PDE4D: variants seen among roughly 807,000 people sequenced by gnomAD.
PDE4D encodes phosphodiesterase 4D.
Under a neutral mutation model 87.4 loss-of-function variants are expected in PDE4D, and 24 were observed. The observed-to-expected ratio is 0.27, with a 90% CI of 0.20 to 0.39. The LOEUF is 0.39. Ranked by LOEUF, PDE4D falls within the 10% of genes least tolerant of loss-of-function variation. The pLI is 1.00. For missense variants in PDE4D, 714 were observed against 1,041.0 expected (o/e 0.69, Z 4.32); for synonymous variants, 384 against 383.2 (o/e 1.00, Z -0.02).
intron 1 of PDE4D, among the ~76,000 whole-genome samples, chr5:59,567,019 A>G (rs1449534925): frequency 1.3e-5 from 2 of 152,186 alleles, no homozygotes; most frequent in Non-Finnish European, 2.9e-5. Context: ...TTTTTACATT[A>G]CATGTTTTCT....
At chr5:59,017,893 A>C (rs1046647031) in intron 6 of PDE4D, among the ~76,000 whole-genome samples, 2 of 152,242 alleles carry the variant, frequency 1.3e-5, no homozygotes, top group African/African-American at 4.8e-5. Flanking sequence ...CATTTGCAAC[A>C]GGTTAGTAGT....
At chr5:59,993,515 T>C (rs1389262764) in intron 2 of PDE4D, among the ~76,000 whole-genome samples, 1 of 152,164 alleles carries the variant, frequency 6.6e-6, no homozygotes, top group Non-Finnish European at 1.5e-5. Flanking sequence ...GAACAGATTA[T>C]AGAGTGCTCC....
intron 1 of PDE4D, among the ~76,000 whole-genome samples, chr5:59,639,310 G>A (rs556642928): frequency 3.9e-5 from 6 of 152,188 alleles, no homozygotes; most frequent in Middle Eastern, 3.4e-3. Context: ...ATGCCCTAAA[G>A]TTAAATTCCT....
chr5:59,586,276 C>A, intron 1 of PDE4D: 1 of 1,350,902 alleles, frequency 7.4e-7, no homozygotes. Context: ...GTACCTGTCA[C>A]GGAATTTGAT....
In PDE4D at chr5:59,180,612, T is replaced by C. The variant is rs372039525; in HGVS notation, c.791A>G (p.Asn264Ser). ...TTTCTTACCTGTTATGGTGGCTTTG[T>C]TGATGGATGGTTGGTTGCACATGGG... is the stretch of plus-strand genomic sequence containing the variant. Reference protein sequence around the residue: ...RSPMCNQPSINKATITEEAYQ... With the variant: ...RSPMCNQPSISKATITEEAYQ... The change falls in exon 5 of 15, where the codon AAC (asparagine) becomes AGC (serine). Residue 264 changes from asparagine (N) to serine (S), a missense_variant. By Grantham distance (46) the Asn-to-Ser change is conservative. Coordinates refer to ENST00000340635, the MANE Select transcript of PDE4D (RefSeq NM_001104631.2). 1.9e-5 allele frequency: 30 copies of C among 1,613,284 alleles called. No individual in the cohort carries two copies. The African/African-American group carries it at 3.9e-4, about 21-fold the overall frequency.
intron 1 of PDE4D, among the ~76,000 whole-genome samples, chr5:59,813,597 T>G (rs1247855599): frequency 6.6e-6 from 1 of 152,168 alleles, no homozygotes; most frequent in Non-Finnish European, 1.5e-5. Flanking sequence ...GCCAATAAAA[T>G]TATTTTCAAG....
At chr5:59,258,699 AATCATATATCAT>A (rs1293578265) in intron 1 of PDE4D, among the ~76,000 whole-genome samples, 6 of 148,512 alleles carry the variant, frequency 4.0e-5, no homozygotes, top group African/African-American at 1.5e-4. Flanking sequence ...ACATATATAT[AATCATATATCAT>A]ATCATATATA....
At chr5:59,178,530 T>C (rs1784247000) in intron 5 of PDE4D, among the ~76,000 whole-genome samples, 2 of 152,200 alleles carry the variant, frequency 1.3e-5, no homozygotes, top group African/African-American at 4.8e-5. Context: ...CTATGAGGTC[T>C]GTCACATATG....
At chr5:60,213,604 TC>T (rs1359056592) in intron 1 of PDE4D, among the ~76,000 whole-genome samples, 4 of 152,162 alleles carry the variant, frequency 2.6e-5, no homozygotes, top group Admixed American at 6.5e-5. Context: ...AAAATTCTCT[TC>T]CCCCGTTGAC....
At chr5:60,053,246 A>C (rs894806661) in intron 2 of PDE4D, among the ~76,000 whole-genome samples, 1 of 152,166 alleles carries the variant, frequency 6.6e-6, no homozygotes, top group Non-Finnish European at 1.5e-5. Context: ...AATCCTAAGC[A>C]AAAAGAACAA....
intron 1 of PDE4D, among the ~76,000 whole-genome samples, chr5:59,334,503 C>T (rs920706126): frequency 5.9e-5 from 9 of 151,930 alleles, no homozygotes; most frequent in Non-Finnish European, 5.9e-5. Flanking sequence ...GGTGATCTGC[C>T]CGCCTCAGCC....
upstream of PDE4D, among the ~76,000 whole-genome samples, chr5:60,489,507 C>T (rs770930573): frequency 4.6e-5 from 7 of 152,114 alleles, no homozygotes; most frequent in South Asian, 6.2e-4. Flanking sequence ...GAAAGAAAAA[C>T]GTTGCAATAG....
intron 2 of PDE4D, among the ~76,000 whole-genome samples, chr5:60,077,565 G>C (rs1415688296): frequency 6.6e-6 from 1 of 152,126 alleles, no homozygotes; most frequent in East Asian, 1.9e-4. Flanking sequence ...GCAGACCAAG[G>C]GGGTACTCAA....
At chr5:59,390,223 T>C (rs1027701818) in intron 1 of PDE4D, among the ~76,000 whole-genome samples, 2 of 152,164 alleles carry the variant, frequency 1.3e-5, no homozygotes, top group Non-Finnish European at 2.9e-5. Context: ...TTATTATTTG[T>C]GTGAGATACT....
At chr5:60,215,303 T>TA (rs1009442891) in intron 1 of PDE4D, among the ~76,000 whole-genome samples, 4 of 152,032 alleles carry the variant, frequency 2.6e-5, no homozygotes, top group South Asian at 2.1e-4. Flanking sequence ...GCTGAACAGA[T>TA]AAAAAAACTG....
chr5:58,974,160 G>C lies in PDE4D; in HGVS notation c.*504C>G, dbSNP rs1327022782. ...AACCACACTATTCAGTCATGTATCAGGAAGACTTGAAATTAGAAAATTATG... is the reference window on the plus strand; with the variant it reads ...AACCACACTATTCAGTCATGTATCACGAAGACTTGAAATTAGAAAATTATG... On this transcript the variant is annotated 3_prime_UTR_variant, in exon 15 of 15. Coordinates refer to ENST00000340635, the MANE Select transcript of PDE4D (RefSeq NM_001104631.2). The C allele has an allele frequency of 6.5e-6, 1 of 152,710 alleles. No individual in the cohort carries two copies. Among genetic ancestry groups the C allele is most frequent in the Non-Finnish European group, 1.5e-5 (1 of 68,382 alleles). 9.5% of individuals were successfully genotyped at this position (152,710 alleles called of 1,614,324 possible). A position where few individuals can be genotyped will look rare whatever the true frequency, so the allele number is the denominator to read the frequency against.
chr5:59,756,956 C>T (rs1209930035), intron 1 of PDE4D, among the ~76,000 whole-genome samples: 1 of 151,990 alleles, frequency 6.6e-6, no homozygotes, highest in Non-Finnish European at 1.5e-5. Context: ...CACCACCATG[C>T]CCAGCTAATT....
intron 1 of PDE4D, among the ~76,000 whole-genome samples, chr5:59,607,185 A>T (rs1561311980): frequency 6.6e-6 from 1 of 152,168 alleles, no homozygotes; most frequent in East Asian, 1.9e-4. Flanking sequence ...ATTTTGTTTT[A>T]GTTCCCCATA....
At chr5:59,684,933 G>A (rs1039537581) in intron 1 of PDE4D, among the ~76,000 whole-genome samples, 4 of 152,130 alleles carry the variant, frequency 2.6e-5, no homozygotes, top group African/African-American at 4.8e-5. Flanking sequence ...ATGCTTTGAC[G>A]TTTCCCTCAG....
Sources: allele counts gnomAD v4.1 joint callset (sites outside exome capture counted in the v4.1 genomes callset), GRCh38; gene constraint gnomAD v4.1.1; transcripts MANE v1.5; gene names NCBI Gene and HGNC (gene_info 2026-07-23, HGNC 2026-07-21).